The following TNNI3K variants were observed in gnomAD, a reference collection of about 807,000 sequenced individuals.
TNNI3K encodes the protein serine/threonine-protein kinase TNNI3K.
In TNNI3K, 140 loss-of-function variants were observed where a neutral mutation model predicts 114.5. The observed-to-expected ratio is 1.22, with a 90% CI of 1.07 to 1.41. TNNI3K has a LOEUF of 1.41. TNNI3K is among the 40% of genes most tolerant of loss of function. The pLI is 0.00. For synonymous variants in TNNI3K, 347 were observed against 347.5 expected (o/e 1.00, Z 0.02); for missense variants, 1,125 against 1,007.6 (o/e 1.12, Z -1.58).
At chr1:74,342,814 A>G (rs1440144545) in intron 7 of TNNI3K, 28 bp from the exon 8 acceptor site, 5 of 1,612,518 alleles carry the variant, frequency 3.1e-6, no homozygotes, top group East Asian at 4.5e-5. Context: ...TCTAGATAAC[A>G]TATCTTTTTC....
chr1:74,531,389 C>T (rs1034976228), intron 23 of TNNI3K, among the ~76,000 whole-genome samples: 4 of 152,146 alleles, frequency 2.6e-5, no homozygotes, highest in Non-Finnish European at 1.5e-5. Context: ...TCTGACTGGA[C>T]CATTTCAAAG....
intron 22 of TNNI3K, 25 bp from the exon 23 acceptor site, chr1:74,492,072 T>C (rs200498664): frequency 2.6e-5 from 39 of 1,488,006 alleles, no homozygotes; most frequent in Non-Finnish European, 3.5e-5. Flanking sequence ...TATTAAACAA[T>C]TGAAATTGCC....
chr1:74,400,758 G>C (rs1224462142), intron 17 of TNNI3K, among the ~76,000 whole-genome samples: 1 of 152,156 alleles, frequency 6.6e-6, no homozygotes, highest in African/African-American at 2.4e-5. Context: ...CATTACTGGT[G>C]AGTCAAACAA....
intron 17 of TNNI3K, among the ~76,000 whole-genome samples, chr1:74,416,117 C>T (rs1665103987): frequency 6.6e-6 from 1 of 152,170 alleles, no homozygotes; most frequent in South Asian, 2.1e-4. Context: ...TTACCCTTTT[C>T]ACCAGAGTAT....
rs147959442 is a variant in TNNI3K, at chr1:74,364,247, C to G, written c.1178-3009C>G. Among the ~76,000 whole-genome samples, 975 of 151,802 alleles carry G rather than the reference C, an allele frequency of 6.4e-3. 17 individuals are homozygous for G. The highest frequency in any genetic ancestry group is 0.023 in the African/African-American group (932 of 41,338). On this transcript the variant is annotated intron_variant, in intron 11 of 24. Coordinates refer to ENST00000326637, the MANE Select transcript of TNNI3K (RefSeq NM_015978.3). ...CTTCAACTCCTGGCCTCAAACAATC[C>G]CTCCACCTCAGCCCCACAAAACACT...
chr1:74,542,776 A>T (rs1646741137), intron 24 of TNNI3K, among the ~76,000 whole-genome samples: 1 of 152,232 alleles, frequency 6.6e-6, no homozygotes, highest in Non-Finnish European at 1.5e-5. Flanking sequence ...AAATGTGCTC[A>T]CTTTCATGAA....
chr1:74,505,470 A>G (rs1205469598), intron 23 of TNNI3K, among the ~76,000 whole-genome samples: 2 of 152,246 alleles, frequency 1.3e-5, no homozygotes, highest in Non-Finnish European at 2.9e-5. Flanking sequence ...TTCAGATACA[A>G]GAGCAATGAT....
At chr1:74,452,439 G>A (rs987386555) in intron 20 of TNNI3K, among the ~76,000 whole-genome samples, 6 of 152,030 alleles carry the variant, frequency 3.9e-5, no homozygotes, top group Non-Finnish European at 5.9e-5. Context: ...CTCCTCTTTA[G>A]TCTCGTTTTA....
At chr1:74,319,176 A>T (rs1382433277) in intron 5 of TNNI3K, among the ~76,000 whole-genome samples, 1 of 152,142 alleles carries the variant, frequency 6.6e-6, no homozygotes, top group Non-Finnish European at 1.5e-5. Context: ...ATCCACTTCC[A>T]TGCTTCTTCA....
At chr1:74,393,097 G>A (rs1663877212) in intron 17 of TNNI3K, among the ~76,000 whole-genome samples, 1 of 152,134 alleles carries the variant, frequency 6.6e-6, no homozygotes, top group Non-Finnish European at 1.5e-5. Context: ...TGTGCTGAGA[G>A]GAGTGAAGGT....
intron 17 of TNNI3K, among the ~76,000 whole-genome samples, chr1:74,408,566 A>G (rs967156669): frequency 6.6e-6 from 1 of 152,182 alleles, no homozygotes; most frequent in African/African-American, 2.4e-5. Context: ...ATTCTTTCCA[A>G]GAAATCTAAG....
chr1:74,430,624 G>T (rs1298947558), intron 17 of TNNI3K, among the ~76,000 whole-genome samples: 1 of 152,116 alleles, frequency 6.6e-6, no homozygotes, highest in Non-Finnish European at 1.5e-5. Flanking sequence ...CTAAGTGCAT[G>T]CATTGTTAAG....
chr1:74,269,273 A>G (rs1656199935), intron 4 of TNNI3K, among the ~76,000 whole-genome samples: 1 of 151,756 alleles, frequency 6.6e-6, no homozygotes, highest in Non-Finnish European at 1.5e-5. Context: ...TTGTCTCTCC[A>G]TTCACGTAAA....
chr1:74,353,210 A>G (rs1275171641), intron 9 of TNNI3K, 56 bp from the exon 10 acceptor site: 1 of 1,583,996 alleles, frequency 6.3e-7, no homozygotes, highest in Non-Finnish European at 8.6e-7. Flanking sequence ...AGAGGGCACA[A>G]TTTAGTTCAT....
intron 24 of TNNI3K, 106 bp downstream of exon 24, chr1:74,540,419 A>G: frequency 9.8e-7 from 1 of 1,023,704 alleles, no homozygotes; most frequent in Non-Finnish European, 1.4e-6. Flanking sequence ...ATCCAAAATG[A>G]CAGATGCTTT....
intron 17 of TNNI3K, among the ~76,000 whole-genome samples, chr1:74,383,197 A>G (rs566845670): frequency 6.6e-6 from 1 of 152,050 alleles, no homozygotes; most frequent in African/African-American, 2.4e-5. Context: ...TGTGGGTTTG[A>G]CAAAGTTTCT....
At chr1:74,533,185 C>T (rs541121099) in intron 23 of TNNI3K, among the ~76,000 whole-genome samples, 3 of 152,276 alleles carry the variant, frequency 2.0e-5, no homozygotes, top group South Asian at 4.1e-4. Context: ...GGGCTAATAT[C>T]CAGAATCTAC....
At chr1:74,469,841 G>A in intron 21 of TNNI3K, 2 of 400,306 alleles carry the variant, frequency 5.0e-6, no homozygotes, top group South Asian at 1.3e-4. Flanking sequence ...GAAAGCTAAA[G>A]TAGAAAAGGA....
chr1:74,386,413 G>T (rs1287041233), intron 17 of TNNI3K, among the ~76,000 whole-genome samples: 1 of 152,040 alleles, frequency 6.6e-6, no homozygotes, highest in African/African-American at 2.4e-5. Context: ...TGTGGAGCAT[G>T]GGAGTGCAGC....
Sources: gnomAD v4.1 joint callset for allele counts (sites outside exome capture counted in the v4.1 genomes callset) on GRCh38, gnomAD v4.1.1 for gene constraint, MANE v1.5 for transcripts, NCBI Gene and HGNC (gene_info 2026-07-23, HGNC 2026-07-21) for gene names.